RTN3: variants seen among roughly 807,000 people sequenced by gnomAD.
The protein encoded by RTN3 is reticulon-3.
RTN3 carries 49 observed loss-of-function variants against 77.8 expected under a neutral mutation model. The ratio of observed to expected loss-of-function variants is 0.63; its 90% CI spans 0.50 to 0.80. The LOEUF (loss-of-function observed/expected upper bound fraction) is 0.80, where lower values mean the gene tolerates loss of function less well. RTN3 is among the 30% of genes least tolerant of loss of function. RTN3 has a pLI of 0.00. For missense variants in RTN3, 1,236 were observed against 1,211.9 expected (o/e 1.02, Z -0.29); for synonymous variants, 464 against 446.9 (o/e 1.04, Z -0.48).
At chr11:63,741,525 C>G (rs2013478148) in intron 3 of RTN3, among the ~76,000 whole-genome samples, 1 of 141,076 alleles carries the variant, frequency 7.1e-6, no homozygotes, top group Non-Finnish European at 1.5e-5. Context: ...TTTGAGACAG[C>G]GTCTCATTCT....
chr11:63,758,655 GTT>G lies in RTN3; in HGVS notation c.*462_*463del, dbSNP rs1242913936. 2 of 324,212 alleles carry G rather than the reference GTT, an allele frequency of 6.2e-6. No individual in the cohort carries two copies. Among genetic ancestry groups the G allele is most frequent in the Non-Finnish European group, 1.1e-5 (2 of 180,886 alleles). 20.1% of individuals were successfully genotyped at this position (324,212 alleles called of 1,614,324 possible). A position where few individuals can be genotyped will look rare whatever the true frequency, so the allele number is the denominator to read the frequency against. On this transcript the variant is annotated 3_prime_UTR_variant, in exon 9 of 9. Transcript: ENST00000377819. ...GGACAGGAGTGTGATACCTTCCTTG[GTT>G]TTTTTTTGCAGCCCTCAAATCCTAT...
chr11:63,718,631 TGCTTG>T (rs772695297), intron 2 of RTN3, 66 bp from the exon 3 acceptor site: 71 of 1,125,122 alleles, frequency 6.3e-5, no homozygotes, highest in Non-Finnish European at 8.2e-5. Flanking sequence ...AAAAGCATGC[TGCTTG>T]GCTTGGCTAG....
chr11:63,693,843 C>A (rs1003132831), intron 1 of RTN3, among the ~76,000 whole-genome samples: 1 of 152,096 alleles, frequency 6.6e-6, no homozygotes, highest in Non-Finnish European at 1.5e-5. Flanking sequence ...AGACTCTGGC[C>A]GGGCACAGTG....
intron 2 of RTN3, among the ~76,000 whole-genome samples, chr11:63,717,310 G>A (rs1565318499): frequency 1.3e-5 from 2 of 148,160 alleles, no homozygotes; most frequent in Admixed American, 6.8e-5. Context: ...TAACTGATAA[G>A]ACTTAACGTA....
In RTN3 at chr11:63,719,936, A is replaced by G. The variant is rs139663525; in HGVS notation, c.1434A>G (p.Lys478=). The part of the protein sequence containing the change: ...VKVVLPDDHL[K]DEMDWQSSAL... Reference sequence around the variant, plus strand: ...TGGTTTTACCTGATGACCACCTGAAAGATGAAATGGACTGGCAGAGCTCTG... The same window carrying G: ...TGGTTTTACCTGATGACCACCTGAAGGATGAAATGGACTGGCAGAGCTCTG... Residue 478 remains lysine, a synonymous_variant, in exon 3 of 9, where the codon AAA becomes AAG. Transcript: ENST00000377819. 1.8e-4 allele frequency: 296 copies of G among 1,614,196 alleles called. 1 individual carries two copies. In the African/African-American group the frequency reaches 3.6e-3, roughly 20 times the overall value.
intron 3 of RTN3, among the ~76,000 whole-genome samples, chr11:63,724,484 C>CTTTT (rs34237318): frequency 3.7e-5 from 3 of 81,802 alleles, no homozygotes; most frequent in Non-Finnish European, 4.7e-5. Flanking sequence ...GTGCCCGGCC[C>CTTTT]TTTTTTTTTT....
intron 7 of RTN3, among the ~76,000 whole-genome samples, chr11:63,755,315 T>G (rs1167011736): frequency 6.6e-6 from 1 of 152,076 alleles, no homozygotes; most frequent in East Asian, 1.9e-4. Context: ...GTGGGGTGTT[T>G]ATGGTGTAAT....
chr11:63,752,990 G>A (rs1043802223), intron 5 of RTN3, 79 bp from the exon 6 acceptor site: 16 of 1,312,864 alleles, frequency 1.2e-5, no homozygotes, highest in Non-Finnish European at 1.7e-5. Flanking sequence ...GACTTAATTA[G>A]CTGGAGGAGA....
At chr11:63,712,738 G>A (rs1233418541) in intron 2 of RTN3, among the ~76,000 whole-genome samples, 1 of 151,990 alleles carries the variant, frequency 6.6e-6, no homozygotes, top group East Asian at 1.9e-4. Context: ...GGACCAGCTC[G>A]GCCCCCAAAG....
intron 4 of RTN3, among the ~76,000 whole-genome samples, chr11:63,750,608 A>C (rs1212958036): frequency 6.6e-6 from 1 of 151,922 alleles, no homozygotes; most frequent in Non-Finnish European, 1.5e-5. Flanking sequence ...ATGCGCCACT[A>C]TGCCCAGCTA....
At chr11:63,733,893 AAAG>A (rs1271156585) in intron 3 of RTN3, among the ~76,000 whole-genome samples, 7 of 151,986 alleles carry the variant, frequency 4.6e-5, no homozygotes, top group Non-Finnish European at 8.8e-5. Flanking sequence ...CTTGCCTCAA[AAAG>A]AAAAAAAAAC....
chr11:63,748,166 A>G (rs1178073050), intron 3 of RTN3, among the ~76,000 whole-genome samples: 1 of 151,310 alleles, frequency 6.6e-6, no homozygotes, highest in East Asian at 1.9e-4. Context: ...AAAAAAAATA[A>G]AAGTAATGTC....
At chr11:63,699,318 AAG>A (rs1004051724) in intron 1 of RTN3, among the ~76,000 whole-genome samples, 1 of 152,012 alleles carries the variant, frequency 6.6e-6, no homozygotes, top group African/African-American at 2.4e-5. Flanking sequence ...AAAAAAAAAA[AAG>A]AATTCCTTCT....
intron 1 of RTN3, among the ~76,000 whole-genome samples, chr11:63,696,672 A>C (rs1472015457): frequency 6.7e-6 from 1 of 148,694 alleles, no homozygotes; most frequent in African/African-American, 2.5e-5. Context: ...CAGCCTCCCG[A>C]GTAGCTGGGA....
intron 2 of RTN3, 145 bp from the exon 3 acceptor site, chr11:63,718,557 A>G (rs2011531367): frequency 2.1e-6 from 1 of 477,590 alleles, no homozygotes; most frequent in African/African-American, 2.0e-5. Flanking sequence ...GTTTTGTTAC[A>G]TATTTATGTG....
At chr11:63,686,256 G>T (rs1232530170) in intron 1 of RTN3, among the ~76,000 whole-genome samples, 1 of 151,182 alleles carries the variant, frequency 6.6e-6, no homozygotes, top group Non-Finnish European at 1.5e-5. Context: ...GGATCACGAG[G>T]TCAGGAGATC....
In RTN3 at chr11:63,687,462, C is replaced by CA. The variant is rs201989468; in HGVS notation, c.142+5690dup. On this transcript the variant is annotated intron_variant, in intron 1 of 8. Coordinates refer to ENST00000377819, the MANE Select transcript of RTN3 (RefSeq NM_001265589.2). Reference sequence around the variant, plus strand: ...TGAAACCCTGCCTCTATTAAAGATACAAAAAATTAGCTGGGTGTAATCCTG... The same window carrying CA: ...TGAAACCCTGCCTCTATTAAAGATACAAAAAAATTAGCTGGGTGTAATCCTG... 6.2e-3 allele frequency among the ~76,000 whole-genome samples: 941 copies of CA among 152,108 alleles called. 4 individuals are homozygous for CA. Among genetic ancestry groups the CA allele is most frequent in the African/African-American group, 0.021 (878 of 41,492 alleles).
At chr11:63,753,449 G>T (rs1472319517) in intron 6 of RTN3, among the ~76,000 whole-genome samples, 2 of 152,228 alleles carry the variant, frequency 1.3e-5, no homozygotes, top group Admixed American at 6.5e-5. Flanking sequence ...TACAAAGAAG[G>T]TAGCCTGTAT....
chr11:63,733,345 C>T (rs1017150360), intron 3 of RTN3, among the ~76,000 whole-genome samples: 6 of 152,126 alleles, frequency 3.9e-5, no homozygotes, highest in African/African-American at 7.2e-5. Flanking sequence ...AAAAATTACC[C>T]GGGCGTGGTG....
Sources: allele counts gnomAD v4.1 joint callset (sites outside exome capture counted in the v4.1 genomes callset), GRCh38; gene constraint gnomAD v4.1.1; transcripts MANE v1.5; gene names NCBI Gene and HGNC (gene_info 2026-07-23, HGNC 2026-07-21).